The following DTWD2 variants were observed in gnomAD, a reference collection of about 807,000 sequenced individuals.
DTWD2 encodes the protein DTW motif tRNA-uridine aminocarboxypropyltransferase 2, also known as tRNA-uridine aminocarboxypropyltransferase 2.
Under a neutral mutation model 31.8 loss-of-function variants are expected in DTWD2, and 39 were observed. The ratio of observed to expected loss-of-function variants is 1.22; its 90% CI spans 0.95 to 1.60. The LOEUF is 1.60. Among genes scored for constraint, DTWD2 ranks in the 40% most tolerant of loss-of-function variants. The pLI is 0.00. For synonymous variants in DTWD2, 180 were observed against 142.8 expected, an observed-to-expected ratio of 1.26 and a Z score of -1.86; for missense variants, 515 against 381.5, an observed-to-expected ratio of 1.35 and a Z score of -2.92.
At chr5:118,844,160 T>C (rs78584094) in intron 5 of DTWD2, among the ~76,000 whole-genome samples, 3,553 of 152,070 alleles carry the variant, frequency 0.023, 58 homozygotes, top group Non-Finnish European at 0.026. Flanking sequence ...AACTTCAGAG[T>C]TTTAAAGTTG....
rs146263758 is a variant in DTWD2 at position 118,872,929 on chromosome 5, C to T, written c.598-24711G>A. Among the ~76,000 whole-genome samples, 14 of 152,138 alleles carry T rather than the reference C, an allele frequency of 9.2e-5. No homozygotes were observed. In the East Asian group the frequency reaches 1.9e-3, roughly 21 times the overall value. On this transcript the variant is annotated intron_variant, in intron 4 of 5. Coordinates refer to ENST00000510708, the MANE Select transcript of DTWD2 (RefSeq NM_173666.4). ...TTGAAACAGATCTTCAGAGGGATGG[C>T]GCCGAGAGTGAATGGAGGGAAGACA...
rs1042666768 is a variant in DTWD2, at chr5:118,913,402, TATATATAGATATATATAG to T, written c.597+15117_597+15134del. On this transcript the variant is annotated intron_variant, in intron 4 of 5. Coordinates refer to ENST00000510708, the MANE Select transcript of DTWD2 (RefSeq NM_173666.4). ...ATCACATGAACCATATATATATAGA[TATATATAGATATATATAG>T]ATATATATATATACACACACACACA... 4.4e-5 allele frequency among the ~76,000 whole-genome samples: 6 copies of T among 137,616 alleles called. No homozygotes were observed. The East Asian group carries it at 1.4e-3, about 32-fold the overall frequency. 90.3% of individuals were successfully genotyped at this position (137,616 alleles called of 152,430 possible).
At chr5:118,850,045 AT>A (rs1751961265) in intron 4 of DTWD2, among the ~76,000 whole-genome samples, 2 of 152,030 alleles carry the variant, frequency 1.3e-5, no homozygotes, top group East Asian at 1.9e-4. Context: ...ATGAAAAAAA[AT>A]AAAATAAAAT....
rs1461800021 is a variant in DTWD2, at chr5:118,893,330, T to C, written c.597+35207A>G. 3.7e-5 allele frequency among the ~76,000 whole-genome samples: 5 copies of C among 135,928 alleles called. No individual in the cohort carries two copies. The Admixed American group carries it at 4.1e-4, about 11-fold the overall frequency. The allele number at this position is 135,928 out of a possible 152,430, so 89.2% of individuals were successfully genotyped here. ...GAGCTGAGATCGCACCACTGCACTC[T>C]AGCCTGGGCAACACACTAAGACACA... is the stretch of plus-strand genomic sequence containing the variant. On this transcript the variant is annotated intron_variant, in intron 4 of 5. Transcript: ENST00000510708.
At chr5:118,933,082 T>C (rs1753962774) in intron 3 of DTWD2, among the ~76,000 whole-genome samples, 1 of 152,078 alleles carries the variant, frequency 6.6e-6, no homozygotes, top group Non-Finnish European at 1.5e-5. Flanking sequence ...ATTAACTAAT[T>C]CCTTGAAAAA....
At chr5:118,882,645 C>T (rs1752767344) in intron 4 of DTWD2, among the ~76,000 whole-genome samples, 1 of 152,274 alleles carries the variant, frequency 6.6e-6, no homozygotes, top group Admixed American at 6.5e-5. Context: ...TGCACACCTG[C>T]AGGCCCAAGG....
intron 4 of DTWD2, among the ~76,000 whole-genome samples, chr5:118,921,381 G>A (rs1753699822): frequency 6.6e-6 from 1 of 151,778 alleles, no homozygotes; most frequent in African/African-American, 2.4e-5. Flanking sequence ...CAGGTGTGGT[G>A]GTACACACCC....
intron 4 of DTWD2, among the ~76,000 whole-genome samples, chr5:118,908,429 A>C (rs983523494): frequency 6.6e-6 from 1 of 152,212 alleles, no homozygotes; most frequent in African/African-American, 2.4e-5. Context: ...ATTTCTGGGT[A>C]AACTATGGCT....
intron 1 of DTWD2, among the ~76,000 whole-genome samples, chr5:118,960,926 G>C (rs1054047737): frequency 6.6e-6 from 1 of 152,066 alleles, no homozygotes; most frequent in Admixed American, 6.6e-5. Flanking sequence ...CCTAATTGAG[G>C]GTGGAGGGTG....
chr5:118,873,026 A>G (rs1752541222), intron 4 of DTWD2, among the ~76,000 whole-genome samples: 1 of 152,178 alleles, frequency 6.6e-6, no homozygotes, highest in South Asian at 2.1e-4. Flanking sequence ...CTCATTTTTG[A>G]GCCACAACAG....
chr5:118,933,164 C>A (rs1309379659), intron 3 of DTWD2, among the ~76,000 whole-genome samples: 4 of 152,010 alleles, frequency 2.6e-5, no homozygotes, highest in African/African-American at 9.7e-5. Context: ...GAAATTGAAT[C>A]GATAATTAAT....
chr5:118,848,065 A>G (rs1561424076), intron 5 of DTWD2, 25 bp downstream of exon 5: 7 of 1,477,262 alleles, frequency 4.7e-6, no homozygotes, highest in Non-Finnish European at 5.4e-6. Flanking sequence ...CCACTTTGAA[A>G]AACTATAACC....
intron 4 of DTWD2, among the ~76,000 whole-genome samples, chr5:118,910,106 C>T (rs1753424576): frequency 6.6e-6 from 1 of 152,176 alleles, no homozygotes; most frequent in African/African-American, 2.4e-5. Flanking sequence ...GTGCTCTCTC[C>T]CAAACACACT....
chr5:118,963,802 T>G (rs1225248512), intron 1 of DTWD2, among the ~76,000 whole-genome samples: 2 of 152,172 alleles, frequency 1.3e-5, no homozygotes, highest in Non-Finnish European at 2.9e-5. Flanking sequence ...ACACTATTCA[T>G]GTTATATTAC....
chr5:118,861,682 C>A (rs891350586), intron 4 of DTWD2, among the ~76,000 whole-genome samples: 3 of 152,008 alleles, frequency 2.0e-5, no homozygotes, highest in African/African-American at 7.3e-5. Context: ...AGAAAAGAGA[C>A]TGGGATAAGG....
At chr5:118,844,942 A>G (rs968460496) in intron 5 of DTWD2, among the ~76,000 whole-genome samples, 3 of 152,060 alleles carry the variant, frequency 2.0e-5, no homozygotes, top group Non-Finnish European at 4.4e-5. Flanking sequence ...TTCAAGACCA[A>G]TCTGGGCAAC....
intron 2 of DTWD2, among the ~76,000 whole-genome samples, chr5:118,940,430 C>T (rs1438631822): frequency 6.6e-6 from 1 of 152,080 alleles, no homozygotes; most frequent in Non-Finnish European, 1.5e-5. Context: ...TTTAAAATGC[C>T]ACAGTTGTTC....
At chr5:118,871,164 AG>A (rs1752492862) in intron 4 of DTWD2, among the ~76,000 whole-genome samples, 1 of 152,188 alleles carries the variant, frequency 6.6e-6, no homozygotes, top group Admixed American at 6.5e-5. Context: ...TTAAATTATG[AG>A]ATTTCAACAA....
rs568726550 is a variant in DTWD2 at position 118,849,876 on chromosome 5, G to A, written c.598-1658C>T. 4.6e-5 allele frequency among the ~76,000 whole-genome samples: 7 copies of A among 152,132 alleles called. No individual in the cohort carries two copies. In the South Asian group the frequency reaches 1.5e-3, roughly 32 times the overall value. On this transcript the variant is annotated intron_variant, in intron 4 of 5. Transcript: ENST00000510708. ...GAACATCACACACCAGGGCCTGTTGGGGGGTGTGGGGGCTATGGGAGGGAT... is the reference window on the plus strand; with the variant it reads ...GAACATCACACACCAGGGCCTGTTGAGGGGTGTGGGGGCTATGGGAGGGAT...
Sources: allele counts gnomAD v4.1 joint callset (sites outside exome capture counted in the v4.1 genomes callset), GRCh38; gene constraint gnomAD v4.1.1; transcripts MANE v1.5; gene names NCBI Gene and HGNC (gene_info 2026-07-23, HGNC 2026-07-21).